The following BCAS4 variants were observed in gnomAD, a reference collection of about 807,000 sequenced individuals.
BCAS4 encodes the protein breast carcinoma amplified sequence 4, also known as breast carcinoma-amplified sequence 4.
Under a neutral mutation model 15.7 loss-of-function variants are expected in BCAS4, and 9 were observed. The ratio of observed to expected loss-of-function variants is 0.57; its 90% CI spans 0.34 to 1.00. The LOEUF is 1.00. Among genes scored for constraint, BCAS4 ranks in the 50% least tolerant of loss-of-function variants. The pLI, the probability that BCAS4 is intolerant of heterozygous loss-of-function variation, is 0.02. For synonymous variants in BCAS4, 101 were observed against 99.5 expected (o/e 1.02, Z -0.09); for missense variants, 225 against 239.1 (o/e 0.94, Z 0.39).
intron 4 of BCAS4, among the ~76,000 whole-genome samples, chr20:50,866,511 A>G (rs1229512231): frequency 6.6e-6 from 1 of 152,254 alleles, no homozygotes; most frequent in Non-Finnish European, 1.5e-5. Context: ...AGAAATAGGC[A>G]CTCAATGTTT....
chr20:50,795,337 A>G (rs752837883), intron 1 of BCAS4, among the ~76,000 whole-genome samples, 164 bp downstream of exon 1: 1 of 152,092 alleles, frequency 6.6e-6, no homozygotes, highest in Non-Finnish European at 1.5e-5. Flanking sequence ...AGAGATGTGC[A>G]GCGGGTCGTC....
chr20:50,853,849 GTA>G (rs1383140496), intron 4 of BCAS4, among the ~76,000 whole-genome samples: 4,091 of 138,498 alleles, frequency 0.03, 769 homozygotes, highest in African/African-American at 0.057. Context: ...TTTGTGCACT[GTA>G]GATGTTTTGT....
chr20:50,834,188 A>G (rs1307774621), intron 3 of BCAS4, among the ~76,000 whole-genome samples: 1 of 152,022 alleles, frequency 6.6e-6, no homozygotes, highest in Non-Finnish European at 1.5e-5. Context: ...CCCCACAAAG[A>G]AGAAAGTCTA....
rs148235286 is a variant in BCAS4 at position 50,862,932 on chromosome 20, C to G, written c.400-13554C>G. Among the ~76,000 whole-genome samples, 843 of 152,012 alleles carry G rather than the reference C, an allele frequency of 5.5e-3. 2 individuals carry two copies. Among genetic ancestry groups the G allele is most frequent in the Non-Finnish European group, 8.9e-3 (608 of 67,968 alleles). On this transcript the variant is annotated intron_variant, in intron 4 of 4. Coordinates refer to ENST00000371608, the MANE Select transcript of BCAS4 (RefSeq NM_198799.4). ...TCAGCTCACTGCAACTTCTACCTCC[C>G]GGGTTCTTGTGCCTCAGCCTCCTGA...
chr20:50,800,643 C>T (rs1184661686), intron 1 of BCAS4, among the ~76,000 whole-genome samples: 1 of 147,514 alleles, frequency 6.8e-6, no homozygotes, highest in African/African-American at 2.5e-5. Context: ...CTCACTGCAA[C>T]CTCCGCCTCC....
chr20:50,830,169 G>C, intron 2 of BCAS4, 110 bp from the exon 3 acceptor site: 1 of 834,602 alleles, frequency 1.2e-6, no homozygotes, highest in Admixed American at 2.4e-5. Context: ...GATGCCACCT[G>C]GCACCTCAGC....
At chr20:50,875,909 T>C (rs1979909877) in intron 4 of BCAS4, 1 of 455,710 alleles carries the variant, frequency 2.2e-6, no homozygotes, top group African/African-American at 2.0e-5. Context: ...CTCACCTTGC[T>C]TTCTTAGTCC....
At chr20:50,857,778 A>G (rs1006391257) in intron 4 of BCAS4, among the ~76,000 whole-genome samples, 1 of 152,194 alleles carries the variant, frequency 6.6e-6, no homozygotes, top group Non-Finnish European at 1.5e-5. Flanking sequence ...GGTAGTGGGA[A>G]GCCTCTAAGG....
At chr20:50,879,200 T>C (rs1002650154), downstream of BCAS4, 2 of 152,206 alleles carry the variant, frequency 1.3e-5, no homozygotes, top group African/African-American at 2.4e-5. Flanking sequence ...CATGCCCCAG[T>C]GTGCTCAGGG....
intron 1 of BCAS4, among the ~76,000 whole-genome samples, chr20:50,810,586 T>A (rs982834043): frequency 2.2e-5 from 3 of 137,846 alleles, no homozygotes; most frequent in Non-Finnish European, 4.6e-5. Flanking sequence ...TTATTTTTTT[T>A]GTGTTTTTTT....
At chr20:50,829,411 G>A (rs1015624297) in intron 2 of BCAS4, among the ~76,000 whole-genome samples, 1 of 151,876 alleles carries the variant, frequency 6.6e-6, no homozygotes. Context: ...CCCAGCTAAT[G>A]TTTGTATTTT....
intron 2 of BCAS4, among the ~76,000 whole-genome samples, chr20:50,828,357 C>G (rs979092397): frequency 6.6e-6 from 1 of 151,852 alleles, no homozygotes; most frequent in Non-Finnish European, 1.5e-5. Context: ...CTCGGGAAAC[C>G]GAGGGCAAGG....
chr20:50,874,039 C>G (rs117815334), intron 4 of BCAS4, among the ~76,000 whole-genome samples: 6,301 of 152,254 alleles, frequency 0.041, 183 homozygotes, highest in Non-Finnish European at 0.065. Context: ...CCTGGCCACT[C>G]TCACTTTTGG....
chr20:50,807,947 A>AC (rs1340204775), intron 1 of BCAS4, among the ~76,000 whole-genome samples: 2 of 125,426 alleles, frequency 1.6e-5, no homozygotes, highest in African/African-American at 6.3e-5. Flanking sequence ...TCGCTCTCTT[A>AC]CCCAGGCTGG....
intron 4 of BCAS4, among the ~76,000 whole-genome samples, chr20:50,871,783 G>A (rs1265641762): frequency 3.3e-5 from 5 of 152,296 alleles, no homozygotes; most frequent in Middle Eastern, 3.4e-3. Context: ...TCTGGGGAGA[G>A]CATCCCTGTC....
chr20:50,833,741 C>T (rs979736095), intron 3 of BCAS4, among the ~76,000 whole-genome samples: 4 of 152,168 alleles, frequency 2.6e-5, no homozygotes, highest in African/African-American at 9.7e-5. Flanking sequence ...ATTCAACAAA[C>T]GTTTGCTGCA....
chr20:50,875,602 TAA>T (rs3971637), intron 4 of BCAS4, among the ~76,000 whole-genome samples: 149 of 100,572 alleles, frequency 1.5e-3, no homozygotes, highest in Middle Eastern at 5.8e-3. Context: ...TCATCTCTAC[TAA>T]AAAAAAAAAA....
chr20:50,859,960 G>C (rs1039708703), intron 4 of BCAS4, among the ~76,000 whole-genome samples: 1 of 151,984 alleles, frequency 6.6e-6, no homozygotes, highest in African/African-American at 2.4e-5. Context: ...GGCAACATAG[G>C]GAGACCCCCA....
chr20:50,842,755 G>A (rs6067567), intron 4 of BCAS4, among the ~76,000 whole-genome samples: 45,618 of 152,038 alleles, frequency 0.3, 9,432 homozygotes, highest in African/African-American at 0.59. Flanking sequence ...ACGGAGGCTC[G>A]GGGAAGGAGA....
Sources: allele counts gnomAD v4.1 joint callset (sites outside exome capture counted in the v4.1 genomes callset), GRCh38; gene constraint gnomAD v4.1.1; transcripts MANE v1.5; gene names NCBI Gene and HGNC (gene_info 2026-07-23, HGNC 2026-07-21).